CPQ: variants seen among roughly 807,000 people sequenced by gnomAD.
CPQ encodes carboxypeptidase Q.
In CPQ, 37 loss-of-function variants were observed where a neutral mutation model predicts 45.7. The ratio of observed to expected loss-of-function variants is 0.81; its 90% CI spans 0.62 to 1.07. The LOEUF is 1.07. Among genes scored for constraint, CPQ ranks in the 50% least tolerant of loss-of-function variants. CPQ has a pLI of 0.00. For synonymous variants in CPQ, 186 were observed against 205.8 expected, an observed-to-expected ratio of 0.90 and a Z score of 0.82; for missense variants, 537 against 572.9, an observed-to-expected ratio of 0.94 and a Z score of 0.64.
chr8:96,922,209 A>G (rs1477978490), intron 4 of CPQ, among the ~76,000 whole-genome samples: 1 of 152,202 alleles, frequency 6.6e-6, no homozygotes, highest in Non-Finnish European at 1.5e-5. Flanking sequence ...TATGACCAGC[A>G]TTGGAATTTG....
chr8:96,968,584 C>A (rs898370493), intron 5 of CPQ, among the ~76,000 whole-genome samples: 1 of 152,192 alleles, frequency 6.6e-6, no homozygotes, highest in Non-Finnish European at 1.5e-5. Context: ...AGCTCTGTGG[C>A]AATCTCTTTT....
At chr8:96,719,494 A>G (rs1205541285) in intron 1 of CPQ, among the ~76,000 whole-genome samples, 1 of 152,156 alleles carries the variant, frequency 6.6e-6, no homozygotes, top group East Asian at 1.9e-4. Flanking sequence ...AAGCTGAGGG[A>G]GTGGGCTCTG....
intron 2 of CPQ, among the ~76,000 whole-genome samples, chr8:96,832,970 G>A (rs767208911): frequency 3.9e-5 from 6 of 152,082 alleles, no homozygotes; most frequent in Non-Finnish European, 7.4e-5. Context: ...GGGCCAGGGA[G>A]TAGAGACCTG....
At chr8:97,139,517 A>C (rs1397321969) in intron 7 of CPQ, among the ~76,000 whole-genome samples, 3 of 152,192 alleles carry the variant, frequency 2.0e-5, no homozygotes, top group Non-Finnish European at 4.4e-5. Context: ...AAACATCAAC[A>C]AAATTCAAAG....
chr8:96,890,651 C>G (rs1812361448), intron 4 of CPQ, among the ~76,000 whole-genome samples: 2 of 152,232 alleles, frequency 1.3e-5, no homozygotes, highest in South Asian at 2.1e-4. Flanking sequence ...AACACTGTAA[C>G]TCCCTTCTTA....
intron 4 of CPQ, among the ~76,000 whole-genome samples, chr8:96,928,082 T>C (rs1291087471): frequency 6.6e-6 from 1 of 152,176 alleles, no homozygotes; most frequent in Non-Finnish European, 1.5e-5. Flanking sequence ...AAGTTCATCA[T>C]GGTGTTTTAC....
chr8:96,966,692 A>C (rs895356131), intron 5 of CPQ, among the ~76,000 whole-genome samples: 2 of 152,234 alleles, frequency 1.3e-5, no homozygotes, highest in South Asian at 2.1e-4. Flanking sequence ...CCATTTTGAG[A>C]ACCACTAATA....
At chr8:96,835,953 T>C (rs1811523984) in intron 3 of CPQ, among the ~76,000 whole-genome samples, 1 of 152,174 alleles carries the variant, frequency 6.6e-6, no homozygotes, top group Non-Finnish European at 1.5e-5. Flanking sequence ...TGAAATTCAG[T>C]ATTACAGTGG....
intron 1 of CPQ, among the ~76,000 whole-genome samples, chr8:96,703,126 G>T (rs1015543100): frequency 2.0e-5 from 3 of 152,162 alleles, no homozygotes; most frequent in Non-Finnish European, 1.5e-5. Flanking sequence ...AGGCTCACAA[G>T]AACCTAACTC....
chr8:96,742,879 C>T (rs1455113295), intron 1 of CPQ, among the ~76,000 whole-genome samples: 1 of 152,076 alleles, frequency 6.6e-6, no homozygotes, highest in East Asian at 1.9e-4. Flanking sequence ...TTGAGGGTAA[C>T]CCGACCTTTC....
intron 5 of CPQ, among the ~76,000 whole-genome samples, chr8:96,989,493 G>T (rs973438912): frequency 2.0e-5 from 3 of 147,884 alleles, no homozygotes; most frequent in Non-Finnish European, 4.5e-5. Context: ...GAGGGGAGTG[G>T]AGGAGAGGAG....
intron 2 of CPQ, among the ~76,000 whole-genome samples, chr8:96,790,958 G>T (rs558176204): frequency 1.3e-5 from 2 of 152,080 alleles, no homozygotes; most frequent in Non-Finnish European, 2.9e-5. Context: ...ATTCTCCAAG[G>T]TATTAGGGAG....
chr8:96,920,036 A>C (rs955204645), intron 4 of CPQ, among the ~76,000 whole-genome samples: 32 of 152,224 alleles, frequency 2.1e-4, no homozygotes, highest in Non-Finnish European at 4.4e-5. Flanking sequence ...ATGAAGATTA[A>C]ACAATATAAA....
At chr8:96,724,430 A>G (rs959422032) in intron 1 of CPQ, among the ~76,000 whole-genome samples, 4 of 151,666 alleles carry the variant, frequency 2.6e-5, no homozygotes, top group African/African-American at 9.7e-5. Context: ...TTGCAGTAGT[A>G]TTTCTGTGCA....
At chr8:96,815,482 A>T (rs1811215748) in intron 2 of CPQ, among the ~76,000 whole-genome samples, 1 of 152,014 alleles carries the variant, frequency 6.6e-6, no homozygotes, top group Admixed American at 6.6e-5. Context: ...GACCTGAGGA[A>T]AGCAGATCAC....
intron 1 of CPQ, among the ~76,000 whole-genome samples, chr8:96,672,659 TC>T (rs1234886923): frequency 3.3e-5 from 5 of 151,916 alleles, no homozygotes; most frequent in Non-Finnish European, 7.4e-5. Flanking sequence ...GTGCCTGTAA[TC>T]CTAGATACTC....
intron 4 of CPQ, among the ~76,000 whole-genome samples, chr8:96,957,000 G>A (rs1315572722): frequency 7.2e-5 from 11 of 152,222 alleles, no homozygotes; most frequent in South Asian, 2.1e-4. Context: ...TGCAGCTTGC[G>A]CTGATTTTTA....
intron 2 of CPQ, among the ~76,000 whole-genome samples, chr8:96,812,517 G>A (rs1240012192): frequency 6.6e-6 from 1 of 152,086 alleles, no homozygotes; most frequent in Non-Finnish European, 1.5e-5. Context: ...TTCCTTGAGG[G>A]ATCAAAATAT....
chr8:96,844,797 G>A (rs372656134), intron 3 of CPQ, among the ~76,000 whole-genome samples: 25 of 152,260 alleles, frequency 1.6e-4, no homozygotes, highest in African/African-American at 6.0e-4. Context: ...AAAAGACTTG[G>A]GTTCTGTTTA....
Sources: gnomAD v4.1 joint callset for allele counts (sites outside exome capture counted in the v4.1 genomes callset) on GRCh38, gnomAD v4.1.1 for gene constraint, MANE v1.5 for transcripts, NCBI Gene and HGNC (gene_info 2026-07-23, HGNC 2026-07-21) for gene names.